NOX4: variants seen among roughly 807,000 people sequenced by gnomAD.
NOX4 encodes the protein kidney oxidase-1.
Under a neutral mutation model 87.6 loss-of-function variants are expected in NOX4, and 69 were observed. That is an observed-to-expected ratio of 0.79 (90% CI 0.65 to 0.96). The LOEUF (loss-of-function observed/expected upper bound fraction) is 0.96, where lower values mean the gene tolerates loss of function less well. Among genes scored for constraint, NOX4 ranks in the 40% least tolerant of loss-of-function variants. The probability of loss-of-function intolerance (pLI) is 0.00; values close to 1 mark genes in which losing one functional copy is unlikely to be tolerated. For missense variants in NOX4, 680 were observed against 681.5 expected (o/e 1.00, Z 0.02); for synonymous variants, 275 against 238.2 (o/e 1.15, Z -1.42).
chr11:89,470,250 T>C (rs1355570765), intron 2 of NOX4, among the ~76,000 whole-genome samples: 1 of 152,182 alleles, frequency 6.6e-6, no homozygotes, highest in Non-Finnish European at 1.5e-5. Flanking sequence ...AGTTTCAGAA[T>C]TTAAATGAAC....
chr11:89,486,834 A>G (rs138636471), intron 2 of NOX4, among the ~76,000 whole-genome samples: 1 of 151,708 alleles, frequency 6.6e-6, no homozygotes, highest in Non-Finnish European at 1.5e-5. Context: ...CCAAACCAAT[A>G]ATTTTTGTAG....
intron 2 of NOX4, among the ~76,000 whole-genome samples, chr11:89,460,422 G>A (rs1945402113): frequency 6.6e-6 from 1 of 152,034 alleles, no homozygotes; most frequent in Non-Finnish European, 1.5e-5. Context: ...TCTGACAAAG[G>A]GCTAATATCC....
chr11:89,422,069 T>A, intron 7 of NOX4, 87 bp from the exon 8 acceptor site: 1 of 692,692 alleles, frequency 1.4e-6, no homozygotes. Flanking sequence ...ATTTCAAACA[T>A]CTCACAATTT....
the NOX4 span, among the ~76,000 whole-genome samples, chr11:89,519,810 C>T: frequency 6.6e-6 from 1 of 152,034 alleles, no homozygotes; most frequent in African/African-American, 2.4e-5. Flanking sequence ...GTCTGATTCT[C>T]TTTACATTTC....
At chr11:89,493,886 C>G (rs1946919473), upstream of NOX4, among the ~76,000 whole-genome samples, 1 of 152,112 alleles carries the variant, frequency 6.6e-6, no homozygotes, top group East Asian at 1.9e-4. Context: ...AGTAGAGTAG[C>G]TGGGATCACA....
At chr11:89,477,222 A>C (rs923592235) in intron 2 of NOX4, among the ~76,000 whole-genome samples, 4 of 152,146 alleles carry the variant, frequency 2.6e-5, no homozygotes, top group African/African-American at 9.7e-5. Context: ...AAATGGTCCT[A>C]TCTGGGGGGT....
Position 89,476,769 on chromosome 11 carries a change from A to G in NOX4, c.153+13689T>C, listed in dbSNP as rs542427418. Among the ~76,000 whole-genome samples, 8 of 152,348 alleles carry G rather than the reference A, an allele frequency of 5.3e-5. No individual in the cohort carries two copies. In the East Asian group the frequency reaches 1.3e-3, roughly 26 times the overall value. On this transcript the variant is annotated intron_variant, in intron 2 of 17. Coordinates refer to ENST00000263317, the MANE Select transcript of NOX4 (RefSeq NM_016931.5). ...TATATAAAAAGTGGTAGATGCAAACAATGGAATACCATGTAGCAGTTGGTA... is the reference window on the plus strand; with the variant it reads ...TATATAAAAAGTGGTAGATGCAAACGATGGAATACCATGTAGCAGTTGGTA...
chr11:89,370,187 T>C (rs566721916), intron 12 of NOX4, among the ~76,000 whole-genome samples: 127 of 152,126 alleles, frequency 8.3e-4, no homozygotes, highest in Non-Finnish European at 1.4e-3. Flanking sequence ...TCCTAAAAGA[T>C]AACCATATCT....
chr11:89,368,026 C>T lies in NOX4; in HGVS notation c.1135+5406G>A, dbSNP rs139583494. Among the ~76,000 whole-genome samples, 465 of 152,178 alleles carry T rather than the reference C, an allele frequency of 3.1e-3. 1 individual carries two copies. Among genetic ancestry groups the T allele is most frequent in the African/African-American group, 0.011 (444 of 41,548 alleles). ...CAGAAACTTGTACATCTTCCATTTG[C>T]TCCTGGAACTATATCCTAAATCTCT... On this transcript the variant is annotated intron_variant, in intron 12 of 17. Transcript: ENST00000263317.
intron 13 of NOX4, among the ~76,000 whole-genome samples, chr11:89,348,156 G>A (rs1223630987): frequency 6.6e-6 from 1 of 152,150 alleles, no homozygotes; most frequent in African/African-American, 2.4e-5. Context: ...GGTGGCTCAT[G>A]CCTGTAATCC....
At chr11:89,358,661 G>A (rs1254912891) in intron 12 of NOX4, among the ~76,000 whole-genome samples, 1 of 150,902 alleles carries the variant, frequency 6.6e-6, no homozygotes, top group Non-Finnish European at 1.5e-5. Flanking sequence ...TAGTTCTTTA[G>A]TCTCACAGAT....
chr11:89,342,638 T>C (rs1284788162), intron 13 of NOX4, among the ~76,000 whole-genome samples: 1 of 152,168 alleles, frequency 6.6e-6, no homozygotes, highest in African/African-American at 2.4e-5. Flanking sequence ...ACATTTACTA[T>C]GTGAACAGAA....
the NOX4 span, among the ~76,000 whole-genome samples, chr11:89,537,547 G>T: frequency 2.0e-5 from 3 of 151,702 alleles, no homozygotes; most frequent in African/African-American, 7.3e-5. Context: ...TTCTGCTCAA[G>T]TTTATCATAA....
At chr11:89,536,019 C>T in the NOX4 span, among the ~76,000 whole-genome samples, 1 of 152,012 alleles carries the variant, frequency 6.6e-6, no homozygotes, top group South Asian at 2.1e-4. Flanking sequence ...CTTCAATATG[C>T]TCCCGGGGTT....
chr11:89,525,945 A>G, the NOX4 span, among the ~76,000 whole-genome samples: 1 of 152,094 alleles, frequency 6.6e-6, no homozygotes, highest in African/African-American at 2.4e-5. Flanking sequence ...ATTCAGTTTT[A>G]TATAAATATT....
the NOX4 span, chr11:89,548,502 T>G: frequency 6.6e-6 from 1 of 152,186 alleles, no homozygotes; most frequent in African/African-American, 2.4e-5. Flanking sequence ...CATGTGGACA[T>G]TTGATAGCAA....
At chr11:89,441,947 CTATATATA>C (rs5793404) in intron 5 of NOX4, among the ~76,000 whole-genome samples, 9 of 137,998 alleles carry the variant, frequency 6.5e-5, no homozygotes, top group African/African-American at 1.8e-4. Context: ...TATGTGTTGA[CTATATATA>C]TATATATATA....
At chr11:89,353,627 G>C (rs1937746452) in intron 13 of NOX4, among the ~76,000 whole-genome samples, 1 of 152,090 alleles carries the variant, frequency 6.6e-6, no homozygotes, top group Admixed American at 6.6e-5. Flanking sequence ...CTTTATTGCA[G>C]TGGCCTAGAA....
chr11:89,536,089 T>C, the NOX4 span, among the ~76,000 whole-genome samples: 671 of 151,898 alleles, frequency 4.4e-3, 4 homozygotes, highest in Middle Eastern at 0.02. Context: ...CTGTCACCTA[T>C]TCAGTAAAGC....
Sources: gnomAD v4.1 joint callset for allele counts (sites outside exome capture counted in the v4.1 genomes callset) on GRCh38, gnomAD v4.1.1 for gene constraint, MANE v1.5 for transcripts, NCBI Gene and HGNC (gene_info 2026-07-23, HGNC 2026-07-21) for gene names.